The following COL4A3 variants were observed in gnomAD, a reference collection of about 807,000 sequenced individuals.
COL4A3 encodes the protein collagen type IV alpha 3 chain, also known as collagen alpha-3(IV) chain.
COL4A3 carries 135 observed loss-of-function variants against 217.4 expected under a neutral mutation model. The ratio of observed to expected loss-of-function variants is 0.62; its 90% CI spans 0.54 to 0.72. The LOEUF (loss-of-function observed/expected upper bound fraction) is 0.72. COL4A3 is among the 30% of genes least tolerant of loss of function. The pLI is 0.00. For synonymous variants in COL4A3, 690 were observed against 736.3 expected, an observed-to-expected ratio of 0.94 and a Z score of 1.02; for missense variants, 1,868 against 2,119.9, an observed-to-expected ratio of 0.88 and a Z score of 2.33.
intron 1 of COL4A3, among the ~76,000 whole-genome samples, chr2:227,210,299 A>G (rs2067262112): frequency 6.6e-6 from 1 of 152,222 alleles, no homozygotes; most frequent in African/African-American, 2.4e-5. Flanking sequence ...AGTGTAAAGA[A>G]TACAAAATAG....
chr2:227,290,219 C>A, intron 36 of COL4A3, 131 bp downstream of exon 36: 1 of 845,742 alleles, frequency 1.2e-6, no homozygotes, highest in Non-Finnish European at 1.9e-6. Context: ...TTTGCGGGGC[C>A]GGGCACGGTG....
intron 47 of COL4A3, 21 bp downstream of exon 47, chr2:227,305,104 C>G: frequency 6.2e-7 from 1 of 1,606,074 alleles, no homozygotes; most frequent in Non-Finnish European, 8.5e-7. Context: ...AGCTTGTTTC[C>G]TCACCGAAGA....
At chr2:227,261,333 T>C (rs1210782490) in intron 20 of COL4A3, among the ~76,000 whole-genome samples, 2 of 152,194 alleles carry the variant, frequency 1.3e-5, no homozygotes, top group East Asian at 3.9e-4. Context: ...GAGACCAGCC[T>C]GGCAAACATG....
chr2:227,289,446 A>T (rs1217060084), intron 35 of COL4A3, among the ~76,000 whole-genome samples, 198 bp downstream of exon 35: 1 of 152,186 alleles, frequency 6.6e-6, no homozygotes, highest in African/African-American at 2.4e-5. Context: ...TTAACCTACA[A>T]ATAGTTCCAT....
chr2:227,237,071 T>G (rs975369455), intron 1 of COL4A3, among the ~76,000 whole-genome samples: 1 of 152,196 alleles, frequency 6.6e-6, no homozygotes, highest in Non-Finnish European at 1.5e-5. Context: ...TGCATAGGTG[T>G]GAGGGCTGGG....
At chr2:227,304,254 A>G in intron 46 of COL4A3, 110 bp downstream of exon 46, 1 of 1,430,914 alleles carries the variant, frequency 7.0e-7, no homozygotes, top group Non-Finnish European at 9.8e-7. Context: ...GTTGAACATG[A>G]TAGTGGTTTT....
intron 20 of COL4A3, among the ~76,000 whole-genome samples, chr2:227,262,019 G>C (rs1351399082): frequency 6.6e-6 from 1 of 152,074 alleles, no homozygotes; most frequent in Non-Finnish European, 1.5e-5. Flanking sequence ...CCCTGCCACT[G>C]ATCATATTTT....
At chr2:227,234,532 C>T (rs1394595438) in intron 1 of COL4A3, among the ~76,000 whole-genome samples, 1 of 152,168 alleles carries the variant, frequency 6.6e-6, no homozygotes, top group African/African-American at 2.4e-5. Flanking sequence ...TGCAAATAAA[C>T]CAGCTGTCCA....
intron 1 of COL4A3, among the ~76,000 whole-genome samples, chr2:227,185,243 G>A (rs2065992917): frequency 6.6e-6 from 1 of 152,102 alleles, no homozygotes; most frequent in African/African-American, 2.4e-5. Flanking sequence ...TTTCTTAGGA[G>A]TGGATTCAGT....
chr2:227,188,940 A>G (rs1312882445), intron 1 of COL4A3, among the ~76,000 whole-genome samples: 3 of 152,212 alleles, frequency 2.0e-5, no homozygotes, highest in Non-Finnish European at 1.5e-5. Context: ...ATGACAGAGA[A>G]TGCCTGCCGA....
chr2:227,313,846 A>C lies in COL4A3; in HGVS notation c.*1976A>C, dbSNP rs1175390557. 2.0e-5 allele frequency: 3 copies of C among 152,234 alleles called. No individual in the cohort carries two copies. The highest frequency in any genetic ancestry group is 7.2e-5 in the African/African-American group (3 of 41,442). 9.4% of individuals were successfully genotyped at this position (152,234 alleles called of 1,614,324 possible). ...CCCTCTGTAGGCCAGTAGTTCTCAA[A>C]GTGTGGTCTCTGGAAGAGCAGTATC... On this transcript the variant is annotated 3_prime_UTR_variant, in exon 52 of 52. Coordinates refer to ENST00000396578, the MANE Select transcript of COL4A3 (RefSeq NM_000091.5).
At chr2:227,294,614 C>A in intron 39 of COL4A3, 44 bp downstream of exon 39, 2 of 1,334,530 alleles carry the variant, frequency 1.5e-6, no homozygotes, top group Non-Finnish European at 2.2e-6. Flanking sequence ...ATGTGGGAGA[C>A]ACATTTTCTC....
chr2:227,217,142 A>G (rs1443607242), intron 1 of COL4A3, among the ~76,000 whole-genome samples: 1 of 152,220 alleles, frequency 6.6e-6, no homozygotes, highest in Non-Finnish European at 1.5e-5. Context: ...GGTGGCAGAC[A>G]AGAGAGAATG....
chr2:227,249,230 ATTTTTTTT>A lies in COL4A3; in HGVS notation c.546+726_546+733del, dbSNP rs1247683938. ...TTAGCTAGTATATATATATATATAT[ATTTTTTTT>A]TTTTTTTTTTTTTTTGAGAAGGAGT... On this transcript the variant is annotated intron_variant, in intron 9 of 51. Coordinates refer to ENST00000396578, the MANE Select transcript of COL4A3 (RefSeq NM_000091.5). Among the ~76,000 whole-genome samples, 18 of 14,696 alleles carry A rather than the reference ATTTTTTTT, an allele frequency of 1.2e-3. 2 individuals are homozygous for A. Among genetic ancestry groups the A allele is most frequent in the African/African-American group, 4.2e-3 (16 of 3,766 alleles). The allele number at this position is 14,696 out of a possible 152,430, so 9.6% of individuals were successfully genotyped here.
intron 1 of COL4A3, among the ~76,000 whole-genome samples, chr2:227,182,385 C>T (rs2065890351): frequency 6.6e-6 from 1 of 152,180 alleles, no homozygotes; most frequent in African/African-American, 2.4e-5. Flanking sequence ...ATCATTCACT[C>T]ATTGGAAGAG....
intron 1 of COL4A3, among the ~76,000 whole-genome samples, chr2:227,194,628 T>C (rs1008102202): frequency 4.6e-5 from 7 of 151,856 alleles, no homozygotes; most frequent in Non-Finnish European, 8.8e-5. Context: ...CTTAATAAAA[T>C]AAAGAAGATA....
chr2:227,296,384 A>G (rs1427250588), intron 41 of COL4A3: 1 of 363,742 alleles, frequency 2.7e-6, no homozygotes, highest in Non-Finnish European at 3.8e-6. Flanking sequence ...TTAACTGGAA[A>G]TAAAATTTGG....
At chr2:227,244,492 A>C in intron 4 of COL4A3, 128 bp downstream of exon 4, 1 of 905,472 alleles carries the variant, frequency 1.1e-6, no homozygotes, top group South Asian at 1.4e-5. Context: ...AGGTAATACT[A>C]ATCTGTAATG....
intron 1 of COL4A3, among the ~76,000 whole-genome samples, chr2:227,179,732 A>G (rs141501122): frequency 9.8e-5 from 15 of 152,366 alleles, no homozygotes; most frequent in Admixed American, 2.0e-4. Context: ...CGCTGGGAAC[A>G]AAGGGAGATA....
Sources: allele counts gnomAD v4.1 joint callset (sites outside exome capture counted in the v4.1 genomes callset), GRCh38; gene constraint gnomAD v4.1.1; transcripts MANE v1.5; gene names NCBI Gene and HGNC (gene_info 2026-07-23, HGNC 2026-07-21).